The following MMP16 variants were observed in gnomAD, a reference collection of about 807,000 sequenced individuals.
MMP16 encodes the protein matrix metalloproteinase-16.
A neutral mutation model predicts 67.8 loss-of-function variants in MMP16; 12 were observed. The observed-to-expected ratio is 0.18, with a 90% CI of 0.11 to 0.29. The LOEUF is 0.29. Ranked by LOEUF, MMP16 falls within the 10% of genes least tolerant of loss-of-function variation. MMP16 has a pLI of 1.00. For synonymous variants in MMP16, 249 were observed against 255.9 expected, an observed-to-expected ratio of 0.97 and a Z score of 0.26; for missense variants, 475 against 765.7, an observed-to-expected ratio of 0.62 and a Z score of 4.48.
At chr8:88,232,863 T>C (rs1012805927) in intron 1 of MMP16, among the ~76,000 whole-genome samples, 1 of 152,176 alleles carries the variant, frequency 6.6e-6, no homozygotes, top group East Asian at 1.9e-4. Context: ...AGGCAAATCC[T>C]GCTTTTGGTG....
intron 4 of MMP16, among the ~76,000 whole-genome samples, chr8:88,154,513 T>G (rs1414402123): frequency 3.5e-4 from 53 of 151,032 alleles, no homozygotes; most frequent in Non-Finnish European, 6.7e-4. Context: ...GGGGCACATA[T>G]ACACCATGGA....
At chr8:88,292,443 C>T (rs535885763) in intron 1 of MMP16, among the ~76,000 whole-genome samples, 2 of 152,242 alleles carry the variant, frequency 1.3e-5, no homozygotes, top group East Asian at 1.9e-4. Context: ...GAGGGGCCCT[C>T]GCCACTAGGT....
At chr8:88,252,602 T>A (rs1299087114) in intron 1 of MMP16, among the ~76,000 whole-genome samples, 1 of 151,514 alleles carries the variant, frequency 6.6e-6, no homozygotes, top group South Asian at 2.1e-4. Flanking sequence ...TGAATAGTAT[T>A]TTTAATATGA....
intron 4 of MMP16, among the ~76,000 whole-genome samples, chr8:88,146,182 T>C (rs1299697195): frequency 6.6e-6 from 1 of 152,014 alleles, no homozygotes; most frequent in Non-Finnish European, 1.5e-5. Context: ...TAAAATTCAG[T>C]TAAGATAAAA....
At chr8:88,128,009 A>G (rs1284975088) in intron 4 of MMP16, among the ~76,000 whole-genome samples, 1 of 151,856 alleles carries the variant, frequency 6.6e-6, no homozygotes, top group Non-Finnish European at 1.5e-5. Flanking sequence ...GAGGAAGGGC[A>G]TTGAGCTTAC....
rs73287053 is a variant in MMP16 at position 88,142,457 on chromosome 8, T to C, written c.710-23596A>G. On this transcript the variant is annotated intron_variant, in intron 4 of 9. Coordinates refer to ENST00000286614, the MANE Select transcript of MMP16 (RefSeq NM_005941.5). ...TCTGCTTTATCTAGTAATTAATATA[T>C]ATCTACTGAGGAAAGTGATTAAATT... 5.7e-3 allele frequency among the ~76,000 whole-genome samples: 866 copies of C among 152,220 alleles called. 2 individuals are homozygous for C. Among genetic ancestry groups the C allele is most frequent in the African/African-American group, 0.019 (807 of 41,542 alleles).
chr8:88,075,307 G>A (rs143975121), intron 6 of MMP16, among the ~76,000 whole-genome samples: 4 of 152,098 alleles, frequency 2.6e-5, no homozygotes, highest in East Asian at 1.9e-4. Flanking sequence ...ATAAATCATC[G>A]CAGAGGATTC....
At chr8:88,052,486 C>A (rs571411590) in intron 8 of MMP16, among the ~76,000 whole-genome samples, 1 of 152,182 alleles carries the variant, frequency 6.6e-6, no homozygotes, top group Non-Finnish European at 1.5e-5. Flanking sequence ...TTACCCTCCA[C>A]GCCTCCACTC....
chr8:88,291,866 T>C (rs1810930392), intron 1 of MMP16, among the ~76,000 whole-genome samples: 1 of 152,202 alleles, frequency 6.6e-6, no homozygotes, highest in African/African-American at 2.4e-5. Context: ...TTTTAATGAC[T>C]TGATATTCAC....
At chr8:88,228,162 T>A (rs935764900) in intron 1 of MMP16, among the ~76,000 whole-genome samples, 6 of 152,124 alleles carry the variant, frequency 3.9e-5, no homozygotes, top group African/African-American at 1.2e-4. Context: ...AGCATTCTCA[T>A]ATGCTGCTAA....
At chr8:88,268,071 G>A (rs145828528) in intron 1 of MMP16, among the ~76,000 whole-genome samples, 3,677 of 152,306 alleles carry the variant, frequency 0.024, 65 homozygotes, top group Non-Finnish European at 0.038. Flanking sequence ...GGCCGGGAGC[G>A]GTGGCTCGTG....
In MMP16 at chr8:88,320,443, C is replaced by T. The variant is rs143856339; in HGVS notation, c.132+6632G>A. On this transcript the variant is annotated intron_variant, in intron 1 of 9. Coordinates refer to ENST00000286614, the MANE Select transcript of MMP16 (RefSeq NM_005941.5). ...GTCACTACAATGTATAGTTTTTGAC[C>T]TATTACACACCTAAAAATAAGAGAA... Among the ~76,000 whole-genome samples the T allele has an allele frequency of 5.4e-3, 818 of 152,168 alleles. 9 individuals are homozygous for T. Among genetic ancestry groups the T allele is most frequent in the African/African-American group, 0.019 (776 of 41,522 alleles).
chr8:88,050,959 C>T (rs190671134), intron 8 of MMP16, among the ~76,000 whole-genome samples: 4 of 152,190 alleles, frequency 2.6e-5, no homozygotes, highest in Admixed American at 2.0e-4. Flanking sequence ...GAACATAATT[C>T]GGGTATGAAT....
At position 88,259,240 on chromosome 8, in the gene MMP16, C is replaced by A. The variant is rs561536280; in HGVS notation, c.133-61934G>T. Among the ~76,000 whole-genome samples the A allele has an allele frequency of 9.2e-5, 14 of 152,290 alleles. No homozygotes were observed. The South Asian group carries it at 1.9e-3, about 20-fold the overall frequency. On this transcript the variant is annotated intron_variant, in intron 1 of 9. Coordinates refer to ENST00000286614, the MANE Select transcript of MMP16 (RefSeq NM_005941.5). ...ATGTAACTATCTAGATACTTTCTAT[C>A]ATGCCAAAGTCACAACTTTAGAAAA...
At chr8:88,150,941 C>T (rs1808394654) in intron 4 of MMP16, among the ~76,000 whole-genome samples, 1 of 136,108 alleles carries the variant, frequency 7.3e-6, no homozygotes, top group African/African-American at 2.8e-5. Flanking sequence ...AGTCAAGACC[C>T]ATCAGTGTGC....
At chr8:88,163,571 A>C (rs145260765) in intron 4 of MMP16, among the ~76,000 whole-genome samples, 309 of 152,144 alleles carry the variant, frequency 2.0e-3, no homozygotes, top group Non-Finnish European at 2.9e-3. Context: ...TATTATTTTA[A>C]TAGATAACCT....
intron 1 of MMP16, among the ~76,000 whole-genome samples, chr8:88,200,639 T>G (rs1809329034): frequency 6.6e-6 from 1 of 151,998 alleles, no homozygotes; most frequent in South Asian, 2.1e-4. Flanking sequence ...CAACAGATAT[T>G]GCCTTTACTA....
At chr8:88,282,411 A>T (rs1212814396) in intron 1 of MMP16, among the ~76,000 whole-genome samples, 1 of 152,230 alleles carries the variant, frequency 6.6e-6, no homozygotes, top group Non-Finnish European at 1.5e-5. Context: ...GGAATTACAA[A>T]GTATAGTGAA....
intron 9 of MMP16, among the ~76,000 whole-genome samples, chr8:88,042,114 G>A (rs1164601460): frequency 1.3e-5 from 2 of 152,196 alleles, no homozygotes; most frequent in Admixed American, 6.5e-5. Context: ...CTTTTTGCTC[G>A]CTTACAGGAT....
Sources: gnomAD v4.1 joint callset for allele counts (sites outside exome capture counted in the v4.1 genomes callset) on GRCh38, gnomAD v4.1.1 for gene constraint, MANE v1.5 for transcripts, NCBI Gene and HGNC (gene_info 2026-07-23, HGNC 2026-07-21) for gene names.